NRXN1: variants seen among roughly 807,000 people sequenced by gnomAD.
NRXN1 encodes neurexin-1.
A neutral mutation model predicts 150.9 loss-of-function variants in NRXN1; 39 were observed. That is an observed-to-expected ratio of 0.26 (90% CI 0.20 to 0.34). NRXN1 has a LOEUF of 0.34. NRXN1 is among the 10% of genes least tolerant of loss of function. The pLI is 1.00. For missense variants in NRXN1, 1,815 were observed against 1,949.9 expected, an observed-to-expected ratio of 0.93 and a Z score of 1.30; for synonymous variants, 924 against 757.0, an observed-to-expected ratio of 1.22 and a Z score of -3.62.
intron 5 of NRXN1, among the ~76,000 whole-genome samples, chr2:50,791,135 T>C (rs940273744): frequency 6.7e-6 from 1 of 150,286 alleles, no homozygotes; most frequent in Non-Finnish European, 1.5e-5. Flanking sequence ...GTTTTTTTTT[T>C]TTAAAAAAAA....
intron 5 of NRXN1, among the ~76,000 whole-genome samples, chr2:50,716,537 TAAAAC>T (rs1310031998): frequency 6.6e-6 from 1 of 152,010 alleles, no homozygotes; most frequent in Admixed American, 6.6e-5. Flanking sequence ...TAAAAACAAA[TAAAAC>T]AAATTACCTT....
At chr2:50,482,510 T>C (rs2090547490) in intron 15 of NRXN1, among the ~76,000 whole-genome samples, 1 of 151,988 alleles carries the variant, frequency 6.6e-6, no homozygotes, top group African/African-American at 2.4e-5. Flanking sequence ...TCATTTTTTT[T>C]ACTTACTGTG....
chr2:50,347,195 A>G lies in NRXN1; in HGVS notation c.3365-110225T>C. ...TGCAGCTGGAGAGGGGCTTGTCCGG[A>G]AAGGCAGCCCCGGGAACAGCAAGCG... On this transcript the variant is annotated intron_variant, in intron 17 of 22. Transcript: ENST00000401669. This position sits in a 1 kb window ranked among gnomAD's most constrained non-coding sequence, Gnocchi z 4.9. The G allele has an allele frequency of 7.4e-7, 1 of 1,350,682 alleles. No individual in the cohort carries two copies. The highest frequency in any genetic ancestry group is 1.2e-5 in the South Asian group (1 of 81,560). The allele number at this position is 1,350,682 out of a possible 1,614,324, so 83.7% of individuals were successfully genotyped here.
intron 18 of NRXN1, among the ~76,000 whole-genome samples, chr2:50,230,507 A>G (rs2064837922): frequency 6.6e-6 from 1 of 152,090 alleles, no homozygotes; most frequent in Non-Finnish European, 1.5e-5. Flanking sequence ...AACCTGCCAT[A>G]AGTATATAAA....
intron 22 of NRXN1, among the ~76,000 whole-genome samples, chr2:49,925,883 G>C (rs1287855693): frequency 6.6e-6 from 1 of 152,140 alleles, no homozygotes. Context: ...CTAAAATAAT[G>C]GCATACACAC....
chr2:50,105,161 A>C (rs1231926440), intron 18 of NRXN1: 2 of 151,998 alleles, frequency 1.3e-5, no homozygotes, highest in Admixed American at 1.3e-4. Flanking sequence ...AGAGTATCCT[A>C]GAGCTCTAGA....
At chr2:50,814,247 T>C (rs1423717701) in intron 5 of NRXN1, among the ~76,000 whole-genome samples, 3 of 152,132 alleles carry the variant, frequency 2.0e-5, no homozygotes, top group African/African-American at 7.2e-5. Context: ...TCCTCCTGCC[T>C]TGTCCTCCCA....
chr2:49,972,711 C>G (rs1271982934), intron 21 of NRXN1: 2 of 152,204 alleles, frequency 1.3e-5, no homozygotes, highest in African/African-American at 4.8e-5. Flanking sequence ...CATGGAATTT[C>G]TTCCCTTTAT....
At chr2:50,797,445 C>T (rs915135695) in intron 5 of NRXN1, among the ~76,000 whole-genome samples, 1 of 152,044 alleles carries the variant, frequency 6.6e-6, no homozygotes, top group Non-Finnish European at 1.5e-5. Flanking sequence ...ACAGGCCAAG[C>T]ATGATCTCAA....
chr2:50,121,202 T>C (rs1014934667), intron 18 of NRXN1, among the ~76,000 whole-genome samples: 9 of 152,078 alleles, frequency 5.9e-5, no homozygotes, highest in Admixed American at 5.9e-4. Context: ...TTTGTATTTT[T>C]AGTGGAGACC....
intron 19 of NRXN1, among the ~76,000 whole-genome samples, chr2:50,064,422 C>A (rs1468211010): frequency 1.6e-5 from 2 of 124,676 alleles, no homozygotes; most frequent in African/African-American, 6.2e-5. Context: ...ATTAATACCA[C>A]GTGGGATCTT....
intron 8 of NRXN1, among the ~76,000 whole-genome samples, chr2:50,593,198 T>G (rs948392096): frequency 6.6e-6 from 1 of 152,208 alleles, no homozygotes; most frequent in African/African-American, 2.4e-5. Context: ...ATGAATACTG[T>G]GGCGGGATAA....
At chr2:50,640,330 G>A (rs1051886143) in intron 5 of NRXN1, among the ~76,000 whole-genome samples, 1 of 152,084 alleles carries the variant, frequency 6.6e-6, no homozygotes. Context: ...TATAAACTTT[G>A]TGTAATAATA....
chr2:50,184,435 TAAAG>T (rs2060935131), intron 18 of NRXN1, among the ~76,000 whole-genome samples: 1 of 151,958 alleles, frequency 6.6e-6, no homozygotes, highest in East Asian at 1.9e-4. Flanking sequence ...TAAAAATACT[TAAAG>T]AGAGAGTACT....
intron 11 of NRXN1, chr2:50,528,887 CA>C: frequency 2.3e-6 from 1 of 437,170 alleles, no homozygotes. Flanking sequence ...TACATGGTGA[CA>C]AATCTAAGTG....
intron 17 of NRXN1, among the ~76,000 whole-genome samples, chr2:50,420,907 G>C (rs1378536189): frequency 6.7e-6 from 1 of 149,718 alleles, no homozygotes; most frequent in Non-Finnish European, 1.5e-5. Context: ...AATACATTTG[G>C]ATTCCTCTAA....
intron 5 of NRXN1, among the ~76,000 whole-genome samples, chr2:50,837,100 G>T (rs566317384): frequency 6.6e-6 from 1 of 151,990 alleles, no homozygotes; most frequent in Admixed American, 6.6e-5. Flanking sequence ...GGTTAACACC[G>T]TATCTCCAGA....
At chr2:50,992,412 T>C (rs1364381515) in intron 2 of NRXN1, among the ~76,000 whole-genome samples, 5 of 152,100 alleles carry the variant, frequency 3.3e-5, no homozygotes, top group African/African-American at 1.2e-4. Flanking sequence ...AGATAGAACT[T>C]TGAAAGGCTA....
intron 5 of NRXN1, among the ~76,000 whole-genome samples, chr2:50,841,320 C>A (rs563619345): frequency 6.6e-6 from 1 of 152,132 alleles, no homozygotes; most frequent in Admixed American, 6.6e-5. Context: ...TCCAGCCATA[C>A]CTGGATTTTC....
Sources: gnomAD v4.1 joint callset for allele counts (sites outside exome capture counted in the v4.1 genomes callset) on GRCh38, gnomAD v4.1.1 for gene constraint, Gnocchi (gnomAD v3.1) non-coding constraint, MANE v1.5 for transcripts, NCBI Gene and HGNC (gene_info 2026-07-23, HGNC 2026-07-21) for gene names.